Variants in GALNT14 observed in about 807,000 individuals in gnomAD.
The protein encoded by GALNT14 is polypeptide N-acetylgalactosaminyltransferase 14.
A neutral mutation model predicts 77.5 loss-of-function variants in GALNT14; 60 were observed. The observed-to-expected ratio is 0.77, with a 90% CI of 0.63 to 0.96. The LOEUF (loss-of-function observed/expected upper bound fraction) is 0.96. Among genes scored for constraint, GALNT14 ranks in the 40% least tolerant of loss-of-function variants. The pLI is 0.00. For missense variants in GALNT14, 710 were observed against 731.0 expected (o/e 0.97, Z 0.33); for synonymous variants, 280 against 281.7 (o/e 0.99, Z 0.06).
intron 1 of GALNT14, among the ~76,000 whole-genome samples, chr2:31,020,543 T>A (rs1004593102): frequency 1.3e-5 from 2 of 152,180 alleles, no homozygotes; most frequent in African/African-American, 4.8e-5. Context: ...GATGGGCTTA[T>A]CTATACACCC....
chr2:31,075,597 G>T (rs112025715), intron 1 of GALNT14, among the ~76,000 whole-genome samples: 3 of 152,308 alleles, frequency 2.0e-5, no homozygotes, highest in Non-Finnish European at 4.4e-5. Flanking sequence ...GCTGGCCTAC[G>T]CCCAGCTCTG....
At chr2:31,134,693 A>AC (rs879626739) in intron 1 of GALNT14, among the ~76,000 whole-genome samples, 73 of 151,566 alleles carry the variant, frequency 4.8e-4, no homozygotes, top group African/African-American at 1.7e-3. Flanking sequence ...CCTTACACAA[A>AC]CCCCCTGGGA....
chr2:30,901,486 AC>A, the GALNT14 span, among the ~76,000 whole-genome samples: 1 of 148,462 alleles, frequency 6.7e-6, no homozygotes, highest in Non-Finnish European at 1.5e-5. Context: ...CAAACACACA[AC>A]ATATATATAA....
chr2:30,949,330 T>C lies in GALNT14; in HGVS notation c.655-3460A>G, dbSNP rs74502739. 2.0e-5 allele frequency among the ~76,000 whole-genome samples: 3 copies of C among 152,136 alleles called. No individual in the cohort carries two copies. The South Asian group carries it at 6.2e-4, about 32-fold the overall frequency. On this transcript the variant is annotated intron_variant, in intron 6 of 14. Coordinates refer to ENST00000349752, the MANE Select transcript of GALNT14 (RefSeq NM_024572.4). Reference sequence around the variant, plus strand: ...TGCTGCTAGCAAGCAGGTGGGTCAATTACAGCTGAATAAGATGGCTTCTCC... The same window carrying C: ...TGCTGCTAGCAAGCAGGTGGGTCAACTACAGCTGAATAAGATGGCTTCTCC...
chr2:31,038,732 T>A (rs1301277408), intron 1 of GALNT14, among the ~76,000 whole-genome samples: 1 of 149,772 alleles, frequency 6.7e-6, no homozygotes, highest in Non-Finnish European at 1.5e-5. Flanking sequence ...TCTTTATTCT[T>A]AGTGAGATTC....
At chr2:31,110,273 G>T (rs923851033) in intron 1 of GALNT14, among the ~76,000 whole-genome samples, 3 of 152,042 alleles carry the variant, frequency 2.0e-5, no homozygotes, top group African/African-American at 7.2e-5. Flanking sequence ...TTGTTTCTAC[G>T]CACTCTATTC....
chr2:31,015,563 A>T (rs916738209), intron 1 of GALNT14, among the ~76,000 whole-genome samples: 3 of 152,232 alleles, frequency 2.0e-5, no homozygotes, highest in Non-Finnish European at 4.4e-5. Flanking sequence ...GGAAAAAAAG[A>T]GTAATTTTAT....
At chr2:31,072,624 A>T (rs184334607) in intron 1 of GALNT14, among the ~76,000 whole-genome samples, 1 of 152,272 alleles carries the variant, frequency 6.6e-6, no homozygotes, top group Non-Finnish European at 1.5e-5. Flanking sequence ...ACTAAGTCCA[A>T]TTCCAAATGT....
rs10206050 is a variant in GALNT14, at chr2:31,038,260, A to C, written c.130-45253T>G. 5.1e-3 allele frequency among the ~76,000 whole-genome samples: 774 copies of C among 150,858 alleles called. 7 individuals carry two copies. The highest frequency in any genetic ancestry group is 0.017 in the African/African-American group (715 of 41,022). ...CAGGCACATGCACCACGCCCAGCTA[A>C]TTTTTGTATTTTTAGTAGAGACAGG... On this transcript the variant is annotated intron_variant, in intron 1 of 14. Transcript: ENST00000349752.
Position 30,955,868 on chromosome 2 carries a change from C to G in GALNT14, c.532+44G>C, listed in dbSNP as rs749460513. 3.7e-6 allele frequency: 6 copies of G among 1,612,626 alleles called. No homozygotes were observed. The East Asian group carries it at 1.1e-4, about 30-fold the overall frequency. ...CACACACCATCACACCTTCGACCCC[C>G]CGACACTCACACTGGAGGCTCCCGC... On this transcript the variant is annotated intron_variant, in intron 5 of 14. Coordinates refer to ENST00000349752, the MANE Select transcript of GALNT14 (RefSeq NM_024572.4).
chr2:30,985,546 A>G (rs1249855155), intron 2 of GALNT14, among the ~76,000 whole-genome samples: 1 of 152,134 alleles, frequency 6.6e-6, no homozygotes, highest in Non-Finnish European at 1.5e-5. Context: ...GCAAGATGGT[A>G]CTGCAAACTG....
At chr2:30,938,704 C>G (rs1558422844) in intron 9 of GALNT14, among the ~76,000 whole-genome samples, 1 of 152,208 alleles carries the variant, frequency 6.6e-6, no homozygotes, top group African/African-American at 2.4e-5. Context: ...CCATGGCAGC[C>G]AATCCATCAG....
intron 1 of GALNT14, among the ~76,000 whole-genome samples, chr2:31,057,305 ATATATATATATAAAATTATATATT>A (rs1674281409): frequency 6.9e-6 from 1 of 145,220 alleles, no homozygotes; most frequent in Admixed American, 6.9e-5. Flanking sequence ...ATATATATAT[ATATATATATATAAAATTATATATT>A]ATATATACAC....
At chr2:30,933,718 A>G (rs1665885895) in intron 9 of GALNT14, among the ~76,000 whole-genome samples, 1 of 152,176 alleles carries the variant, frequency 6.6e-6, no homozygotes, top group Non-Finnish European at 1.5e-5. Context: ...GGGGAAAGGA[A>G]ACAGGAAGAA....
At chr2:31,024,134 C>T (rs1401077448) in intron 1 of GALNT14, among the ~76,000 whole-genome samples, 6 of 152,088 alleles carry the variant, frequency 3.9e-5, no homozygotes, top group African/African-American at 1.4e-4. Flanking sequence ...TCAATCCCTA[C>T]TGTCAGCAAA....
chr2:30,994,696 T>C (rs984180432), intron 1 of GALNT14, among the ~76,000 whole-genome samples: 5 of 152,042 alleles, frequency 3.3e-5, no homozygotes, highest in African/African-American at 1.2e-4. Flanking sequence ...CACGGTAACC[T>C]TGAAATCCCA....
intron 1 of GALNT14, among the ~76,000 whole-genome samples, chr2:31,083,567 C>T (rs1249295376): frequency 1.3e-5 from 2 of 152,202 alleles, no homozygotes; most frequent in Non-Finnish European, 2.9e-5. Flanking sequence ...CCATCCTTCA[C>T]CCAGTTTTAA....
chr2:30,994,200 T>C (rs1213621784), intron 1 of GALNT14, among the ~76,000 whole-genome samples: 1 of 152,190 alleles, frequency 6.6e-6, no homozygotes, highest in African/African-American at 2.4e-5. Context: ...GGGATGCTCA[T>C]TCATGTGTTA....
intron 2 of GALNT14, among the ~76,000 whole-genome samples, chr2:30,989,912 G>A (rs1669598065): frequency 2.6e-5 from 4 of 151,700 alleles, no homozygotes; most frequent in Non-Finnish European, 5.9e-5. Flanking sequence ...CTTAGCCCCT[G>A]GGCTATTACT....
Sources: allele counts gnomAD v4.1 joint callset (sites outside exome capture counted in the v4.1 genomes callset), GRCh38; gene constraint gnomAD v4.1.1; transcripts MANE v1.5; gene names NCBI Gene and HGNC (gene_info 2026-07-23, HGNC 2026-07-21).